The following SSUH2 variants were observed in gnomAD, a reference collection of about 807,000 sequenced individuals.
The protein encoded by SSUH2 is protein SSUH2 homolog.
Under a neutral mutation model 55.3 loss-of-function variants are expected in SSUH2, and 47 were observed. The ratio of observed to expected loss-of-function variants is 0.85; its 90% confidence interval spans 0.67 to 1.08. The LOEUF (loss-of-function observed/expected upper bound fraction) is 1.08. Among genes scored for constraint, SSUH2 ranks in the 50% least tolerant of loss-of-function variants. The pLI is 0.00. For synonymous variants in SSUH2, 212 were observed against 191.5 expected (o/e 1.11, Z -0.89); for missense variants, 535 against 490.7 (o/e 1.09, Z -0.85).
chr3:8,667,200 G>A (rs1179848500), intron 5 of SSUH2, among the ~76,000 whole-genome samples: 2 of 152,206 alleles, frequency 1.3e-5, no homozygotes, highest in Non-Finnish European at 2.9e-5. Flanking sequence ...AACAAACAAG[G>A]AGTGGATTGT....
intron 3 of SSUH2, chr3:8,677,124 C>T (rs112839634): frequency 0.051 from 7,012 of 136,958 alleles, 731 homozygotes; most frequent in African/African-American, 0.18. Context: ...ATACCCCCCG[C>T]GAGGCAGGGA....
At chr3:8,679,384 G>A (rs140632165) in intron 2 of SSUH2, among the ~76,000 whole-genome samples, 3 of 70,978 alleles carry the variant, frequency 4.2e-5, no homozygotes, top group Non-Finnish European at 9.7e-5. Context: ...GCATCCCCCA[G>A]GAGGAGGGGA....
chr3:8,634,123 G>A, intron 3 of SSUH2: 4 of 707,338 alleles, frequency 5.7e-6, no homozygotes, highest in Admixed American at 2.9e-5. Flanking sequence ...AAAAACAGAG[G>A]TCCAGAGAGG....
At position 8,679,019 on chromosome 3, in the gene SSUH2, T is replaced by TC. The variant is rs770224925; in HGVS notation, c.-901+685dup. 7.8e-5 allele frequency among the ~76,000 whole-genome samples: 7 copies of TC among 89,676 alleles called. 1 individual carries two copies. The East Asian group carries it at 8.0e-4, about 10-fold the overall frequency. The allele number at this position is 89,676 out of a possible 152,430, so 58.8% of individuals were successfully genotyped here. On this transcript the variant is annotated intron_variant, in intron 2 of 18. Coordinates refer to the SSUH2 transcript ENST00000317371. ...GTGGGGACTGAGAGCCAGCCCCTCT[T>TC]CCCCCCCTGGCTCTTAGGACACCAA...
chr3:8,672,345 C>CA (rs935409400), intron 3 of SSUH2, among the ~76,000 whole-genome samples: 3 of 152,008 alleles, frequency 2.0e-5, no homozygotes, highest in Admixed American at 6.6e-5. Flanking sequence ...CTGCACATTA[C>CA]AAAAAATATC....
At chr3:8,634,610 G>C (rs1317384999) in intron 3 of SSUH2, 1 of 1,286,424 alleles carries the variant, frequency 7.8e-7, no homozygotes, top group Non-Finnish European at 1.0e-6. Flanking sequence ...GGCTGGAGAG[G>C]CCAGAGATGA....
At position 8,680,135 on chromosome 3, in the gene SSUH2, A is replaced by G. The variant is rs183244231; in HGVS notation, c.-1045-286T>C. Among the ~76,000 whole-genome samples the G allele has an allele frequency of 3.4e-3, 515 of 152,242 alleles. 13 individuals carry two copies. The highest frequency in any genetic ancestry group is 1.7e-3 in the Admixed American group (26 of 15,294). ...CTGGACTTTTAACCCAAACTGTGGG[A>G]CCCTGGCCGAGGCCGGTGGCCTACG... On this transcript the variant is annotated intron_variant, in intron 1 of 18. Transcript: ENST00000317371.
intron 7 of SSUH2, among the ~76,000 whole-genome samples, chr3:8,657,438 G>C (rs938338433): frequency 1.3e-5 from 2 of 152,140 alleles, no homozygotes; most frequent in Non-Finnish European, 2.9e-5. Context: ...ACCCAGGTGG[G>C]ACGGCATGAC....
intron 9 of SSUH2, 83 bp downstream of exon 9, chr3:8,626,146 C>A: frequency 8.8e-7 from 1 of 1,138,380 alleles, no homozygotes; most frequent in South Asian, 1.3e-5. Context: ...CCCAACCAAC[C>A]ACAGTTTCTC....
intron 1 of SSUH2, among the ~76,000 whole-genome samples, chr3:8,636,835 C>T (rs531458708): frequency 3.1e-4 from 47 of 152,308 alleles, no homozygotes; most frequent in South Asian, 1.5e-3. Context: ...GGTACACTAA[C>T]GCCTTCCCTC....
rs41276493 is a variant in SSUH2, at chr3:8,623,256, G to A, written c.981+293C>T. ...TCTTCCCCTATCTGAACACCAGGGA[G>A]TCAGAATCAAAAATCCCATGACACC... On this transcript the variant is annotated intron_variant, in intron 11 of 11. Coordinates refer to ENST00000544814, the MANE Select transcript of SSUH2 (RefSeq NM_001256748.3). 2.2e-3 allele frequency among the ~76,000 whole-genome samples: 336 copies of A among 152,354 alleles called. 1 individual carries two copies. Among genetic ancestry groups the A allele is most frequent in the Non-Finnish European group, 3.6e-3 (245 of 68,030 alleles).
upstream of SSUH2, among the ~76,000 whole-genome samples, chr3:8,647,757 G>A (rs1353110707): frequency 6.6e-6 from 1 of 152,154 alleles, no homozygotes; most frequent in African/African-American, 2.4e-5. Flanking sequence ...ACCGAACCCA[G>A]AGCCACCCAG....
chr3:8,642,259 G>T (rs1370310084), intron 1 of SSUH2, among the ~76,000 whole-genome samples: 1 of 152,180 alleles, frequency 6.6e-6, no homozygotes, highest in Non-Finnish European at 1.5e-5. Flanking sequence ...TCTGTGCTAG[G>T]ACACTGCACT....
At chr3:8,657,330 A>C (rs866122005) in intron 7 of SSUH2, among the ~76,000 whole-genome samples, 3 of 152,232 alleles carry the variant, frequency 2.0e-5, no homozygotes, top group African/African-American at 4.8e-5. Context: ...AATCAATCCA[A>C]AGGGTGGTAC....
intron 1 of SSUH2, among the ~76,000 whole-genome samples, chr3:8,681,598 T>G (rs1158029645): frequency 6.8e-6 from 1 of 147,058 alleles, no homozygotes; most frequent in East Asian, 2.1e-4. Flanking sequence ...AGCCAGCCAC[T>G]CTTTTCCCCC....
intron 11 of SSUH2, among the ~76,000 whole-genome samples, chr3:8,622,685 A>C (rs1406058740): frequency 6.6e-6 from 1 of 152,198 alleles, no homozygotes; most frequent in Admixed American, 6.5e-5. Flanking sequence ...GTAGATAAAA[A>C]TGCATCTTCT....
At chr3:8,632,624 G>C (rs1428755410) in intron 4 of SSUH2, among the ~76,000 whole-genome samples, 1 of 152,226 alleles carries the variant, frequency 6.6e-6, no homozygotes, top group Non-Finnish European at 1.5e-5. Context: ...CAGCCACACA[G>C]TGGCCTCTTC....
chr3:8,666,543 T>C (rs1270226188), intron 5 of SSUH2, among the ~76,000 whole-genome samples: 2 of 152,102 alleles, frequency 1.3e-5, no homozygotes, highest in Non-Finnish European at 2.9e-5. Context: ...GGTGCGTGTG[T>C]TGGGAAAAAC....
In SSUH2 at chr3:8,620,677, C is replaced by T. The variant is rs140256467; in HGVS notation, c.982-663G>A. Among the ~76,000 whole-genome samples the T allele has an allele frequency of 3.6e-4, 55 of 152,288 alleles. 1 individual carries two copies. The highest frequency in any genetic ancestry group is 3.1e-3 in the South Asian group (15 of 4,828). On this transcript the variant is annotated intron_variant, in intron 11 of 11. Transcript: ENST00000544814. ...ATCCCCAGGGGAGTTCCAGGGTGTA[C>T]GGAAAGTCACCAACCAAGTAGGACA...
Sources: allele counts gnomAD v4.1 joint callset (sites outside exome capture counted in the v4.1 genomes callset), GRCh38; gene constraint gnomAD v4.1.1; transcripts MANE v1.5; gene names NCBI Gene and HGNC (gene_info 2026-07-23, HGNC 2026-07-21).